SESTD1: variants seen among roughly 807,000 people sequenced by gnomAD.
The protein encoded by SESTD1 is SEC14 and spectrin domain containing 1.
In SESTD1, 43 loss-of-function variants were observed where a neutral mutation model predicts 101.7. That is an observed-to-expected ratio of 0.42 (90% CI 0.33 to 0.55). The LOEUF (loss-of-function observed/expected upper bound fraction) is 0.55, where lower values mean the gene tolerates loss of function less well. SESTD1 is among the 20% of genes least tolerant of loss of function. The pLI is 0.07. For synonymous variants in SESTD1, 283 were observed against 286.8 expected, an observed-to-expected ratio of 0.99 and a Z score of 0.13; for missense variants, 647 against 815.1, an observed-to-expected ratio of 0.79 and a Z score of 2.51.
intron 1 of SESTD1, among the ~76,000 whole-genome samples, chr2:179,240,399 T>C (rs984440057): frequency 6.6e-6 from 1 of 152,114 alleles, no homozygotes; most frequent in African/African-American, 2.4e-5. Flanking sequence ...ACACATTACA[T>C]ATAAAACAAG....
intron 16 of SESTD1, 139 bp downstream of exon 16, chr2:179,114,926 T>C (rs1279416354): frequency 5.3e-6 from 4 of 755,290 alleles, no homozygotes; most frequent in South Asian, 4.0e-5. Context: ...ATGTATTATA[T>C]CTAAACAAAC....
chr2:179,247,010 G>A (rs1190215004), intron 1 of SESTD1, among the ~76,000 whole-genome samples: 30 of 152,060 alleles, frequency 2.0e-4, no homozygotes, highest in Non-Finnish European at 3.8e-4. Context: ...TGTCCATGTT[G>A]AGGATGGTCT....
Position 179,158,449 on chromosome 2 carries a change from C to A in SESTD1, c.370-7058G>T, listed in dbSNP as rs189519810. Among the ~76,000 whole-genome samples, 641 of 152,232 alleles carry A rather than the reference C, an allele frequency of 4.2e-3. 2 individuals carry two copies. Among genetic ancestry groups the A allele is most frequent in the African/African-American group, 0.014 (594 of 41,542 alleles). ...GTTTAATGAGCCACACGGAAATTTT[C>A]CAGTTAACAGTTACATACAACGGAA... On this transcript the variant is annotated intron_variant, in intron 5 of 17. Coordinates refer to ENST00000428443, the MANE Select transcript of SESTD1 (RefSeq NM_178123.5).
intron 5 of SESTD1, among the ~76,000 whole-genome samples, chr2:179,157,918 T>C (rs1298529910): frequency 6.6e-6 from 1 of 152,196 alleles, no homozygotes; most frequent in Admixed American, 6.5e-5. Context: ...TTTTCTGCTT[T>C]GTTCTAAGGC....
At position 179,108,406 on chromosome 2, in the gene SESTD1, C is replaced by T. The variant is rs978080418; in HGVS notation, c.*1493G>A. ...AAGGGATTCAGACGGAGAAAAAAAC[C>T]ATTCAGTTTGGTAACTGGGAGGCCA... On this transcript the variant is annotated 3_prime_UTR_variant, in exon 18 of 18. Coordinates refer to ENST00000428443, the MANE Select transcript of SESTD1 (RefSeq NM_178123.5). The T allele has an allele frequency of 2.0e-5, 3 of 152,218 alleles. No individual in the cohort carries two copies. The highest frequency in any genetic ancestry group is 7.2e-5 in the African/African-American group (3 of 41,418). The allele number at this position is 152,218 out of a possible 1,614,324, so 9.4% of individuals were successfully genotyped here.
At chr2:179,184,734 C>A (rs1249342115) in intron 2 of SESTD1, among the ~76,000 whole-genome samples, 1 of 152,096 alleles carries the variant, frequency 6.6e-6, no homozygotes. Context: ...TCATTTACTC[C>A]TCAAAATTGC....
chr2:179,112,422 T>A (rs2044530857), intron 17 of SESTD1, among the ~76,000 whole-genome samples: 1 of 152,234 alleles, frequency 6.6e-6, no homozygotes, highest in Non-Finnish European at 1.5e-5. Flanking sequence ...TTTTCCTGAA[T>A]GAAGCCCCAA....
At chr2:179,221,815 G>T (rs2046819518) in intron 1 of SESTD1, among the ~76,000 whole-genome samples, 1 of 151,782 alleles carries the variant, frequency 6.6e-6, no homozygotes, top group African/African-American at 2.4e-5. Context: ...AGCTACTCAG[G>T]AGTCTGAGGT....
At position 179,215,166 on chromosome 2, in the gene SESTD1, C is replaced by CA. The variant is rs1388948418; in HGVS notation, c.-25-23301dup. On this transcript the variant is annotated intron_variant, in intron 1 of 17. Transcript: ENST00000428443. ...AGCAGAACTGAAGGAGATAGAGACA[C>CA]AAAAAAACCTTCAAAAAAATCAATG... Among the ~76,000 whole-genome samples the CA allele has an allele frequency of 3.0e-5, 4 of 133,780 alleles. 1 individual carries two copies. The highest frequency in any genetic ancestry group is 5.9e-5 in the African/African-American group (2 of 33,702). The allele number at this position is 133,780 out of a possible 152,430, so 87.8% of individuals were successfully genotyped here.
intron 10 of SESTD1, chr2:179,131,920 A>G (rs1433492950): frequency 6.5e-6 from 1 of 153,368 alleles, no homozygotes; most frequent in Non-Finnish European, 1.5e-5. Flanking sequence ...TATCACTCTC[A>G]GGCATTTAAT....
intron 1 of SESTD1, among the ~76,000 whole-genome samples, chr2:179,262,837 C>T (rs192435621): frequency 2.6e-5 from 4 of 152,132 alleles, no homozygotes; most frequent in East Asian, 3.9e-4. Context: ...CATTAAATGC[C>T]TAGCAATGAA....
Position 179,126,148 on chromosome 2 carries a change from T to A in SESTD1, c.973-1590A>T, listed in dbSNP as rs186835426. ...GAAATTAAACCTCAGTTAAAAAAAATTTTTTTCTTAAAGGAGTTCTCTGTA... is the reference window on the plus strand; with the variant it reads ...GAAATTAAACCTCAGTTAAAAAAAAATTTTTTCTTAAAGGAGTTCTCTGTA... On this transcript the variant is annotated intron_variant, in intron 10 of 17. Coordinates refer to ENST00000428443, the MANE Select transcript of SESTD1 (RefSeq NM_178123.5). Among the ~76,000 whole-genome samples, 629 of 152,282 alleles carry A rather than the reference T, an allele frequency of 4.1e-3. 5 individuals are homozygous for A. The highest frequency in any genetic ancestry group is 0.014 in the African/African-American group (574 of 41,562).
rs750898336 is a variant in SESTD1, at chr2:179,183,156, T to C, written c.88A>G (p.Thr30Ala). The change falls in exon 3 of 18, where the codon ACA becomes GCA. Residue 30 changes from threonine to alanine, a missense_variant. Physicochemically the swap from Thr to Ala is moderately conservative, Grantham distance 58 (BLOSUM62 0). Transcript: ENST00000428443. ...GKDRRSGLIL[T>A]IPLCLEQTNM... ...GTCTGTTCGAGGCATAATGGAATTG[T>C]CAAAATGAGGCCACTCCGTCTGTCT... 2 of 1,612,016 alleles carry C rather than the reference T, an allele frequency of 1.2e-6. No individual in the cohort carries two copies. The highest frequency in any genetic ancestry group is 1.7e-5 in the Admixed American group (1 of 59,698).
intron 2 of SESTD1, among the ~76,000 whole-genome samples, chr2:179,185,722 CATATTATATATAATATAATATAGT>C (rs1170931524): frequency 5.3e-5 from 3 of 57,026 alleles, no homozygotes; most frequent in East Asian, 1.6e-3. Context: ...TATAATATAG[CATATTATATATAATATAATATAGT>C]ATATTATATA....
Position 179,246,242 on chromosome 2 carries a change from G to C in SESTD1, c.-26+18257C>G, listed in dbSNP as rs189890162. Among the ~76,000 whole-genome samples the C allele has an allele frequency of 3.5e-5, 4 of 113,976 alleles. No individual in the cohort carries two copies. The East Asian group carries it at 1.1e-3, about 32-fold the overall frequency. 74.8% of individuals were successfully genotyped at this position (113,976 alleles called of 152,430 possible). ...TGCACTGCGGCCTGGGTGATAGAGTGAGACTCCATCTCAAAAAAAAAAAAA... is the reference window on the plus strand; with the variant it reads ...TGCACTGCGGCCTGGGTGATAGAGTCAGACTCCATCTCAAAAAAAAAAAAA... On this transcript the variant is annotated intron_variant, in intron 1 of 17. Coordinates refer to ENST00000428443, the MANE Select transcript of SESTD1 (RefSeq NM_178123.5).
chr2:179,193,955 GT>G (rs1287699417), intron 1 of SESTD1, among the ~76,000 whole-genome samples: 1 of 152,148 alleles, frequency 6.6e-6, no homozygotes, highest in Non-Finnish European at 1.5e-5. Flanking sequence ...ATGGTCTGAA[GT>G]TCCTATTCCA....
rs71023472 is a variant in SESTD1, at chr2:179,229,749, TTATATA to T, written c.-26+34744_-26+34749del. On this transcript the variant is annotated intron_variant, in intron 1 of 17. Transcript: ENST00000428443. ...AAGAAATTTAAGATTTTGTAAGAAC[TTATATA>T]TATATATATATATATATATACTCAA... Among the ~76,000 whole-genome samples, 134 of 106,356 alleles carry T rather than the reference TTATATA, an allele frequency of 1.3e-3. 4 individuals are homozygous for T. The East Asian group carries it at 0.022, about 18-fold the overall frequency. The allele number at this position is 106,356 out of a possible 152,430, so 69.8% of individuals were successfully genotyped here.
At chr2:179,175,211 T>C (rs1178671843) in intron 4 of SESTD1, among the ~76,000 whole-genome samples, 1 of 152,276 alleles carries the variant, frequency 6.6e-6, no homozygotes, top group East Asian at 1.9e-4. Context: ...GATAAATTTA[T>C]ATAGCAAGCT....
rs112134641 is a variant in SESTD1 at position 179,228,430 on chromosome 2, C to T, written c.-26+36069G>A. On this transcript the variant is annotated intron_variant, in intron 1 of 17. Transcript: ENST00000428443. ...ATCTTAGGGCTTGCAAATACAGTGG[C>T]AGAAAAGATGTTGCAATGACTTTGC... 2.2e-3 allele frequency among the ~76,000 whole-genome samples: 334 copies of T among 152,252 alleles called. 6 individuals are homozygous for T. The highest frequency in any genetic ancestry group is 7.7e-3 in the African/African-American group (320 of 41,540).
Sources: gnomAD v4.1 joint callset for allele counts (sites outside exome capture counted in the v4.1 genomes callset) on GRCh38, gnomAD v4.1.1 for gene constraint, MANE v1.5 for transcripts, NCBI Gene and HGNC (gene_info 2026-07-23, HGNC 2026-07-21) for gene names.